Variants in ZNF235 observed in about 807,000 individuals in gnomAD.
ZNF235 encodes the protein zinc finger protein 235, also known as zfp-93.
In ZNF235, 25 loss-of-function variants were observed where a neutral mutation model predicts 29.4. The ratio of observed to expected loss-of-function variants is 0.85; its 90% confidence interval spans 0.62 to 1.19. The LOEUF is 1.19. ZNF235 is among the 50% of genes most tolerant of loss of function. The probability of loss-of-function intolerance (pLI) is 0.00; values close to 1 mark genes in which losing one functional copy is unlikely to be tolerated. For synonymous variants in ZNF235, 300 were observed against 295.3 expected (o/e 1.02, Z -0.16); for missense variants, 788 against 885.0 (o/e 0.89, Z 1.39).
intron 1 of ZNF235, 142 bp downstream of exon 1, chr19:44,304,829 C>A: frequency 1.0e-6 from 1 of 985,466 alleles, no homozygotes; most frequent in Non-Finnish European, 1.2e-6. Context: ...GCCGAGGGGA[C>A]GCAAACTCCC....
rs1000086480 is a variant in ZNF235, at chr19:44,289,144, G to A, written c.291C>T (p.Cys97=). 6.2e-7 allele frequency: 1 copy of A among 1,614,044 alleles called. No homozygotes were observed. Among genetic ancestry groups the A allele is most frequent in the Non-Finnish European group, 8.5e-7 (1 of 1,180,010 alleles). Residue 97 remains cysteine, a synonymous_variant, in exon 5 of 5, where the codon TGC becomes TGT. Coordinates refer to ENST00000291182, the MANE Select transcript of ZNF235 (RefSeq NM_004234.4). The part of the protein sequence containing the change: ...MATLHKAGLR[C]FSLGELSCWQ... ...AGCATGAAAGCTCTCCCAGTGAAAA[G>A]CACCTTAATCCTGCTTTGTGAAGAG...
intron 2 of ZNF235, among the ~76,000 whole-genome samples, chr19:44,300,809 C>T (rs888506678): frequency 5.6e-5 from 8 of 142,196 alleles, no homozygotes; most frequent in Non-Finnish European, 1.2e-4. Flanking sequence ...CACTGCACTC[C>T]AGCCTGAATG....
chr19:44,299,299 G>C (rs1170250924), intron 3 of ZNF235, among the ~76,000 whole-genome samples: 1 of 152,084 alleles, frequency 6.6e-6, no homozygotes, highest in East Asian at 1.9e-4. Context: ...GTTTAAAAAA[G>C]ATATACGAAA....
At chr19:44,300,214 G>A (rs375201583) in intron 2 of ZNF235, among the ~76,000 whole-genome samples, 10 of 152,092 alleles carry the variant, frequency 6.6e-5, no homozygotes, top group East Asian at 1.9e-4. Context: ...GTTTTGTGAC[G>A]CTGGTCACAA....
chr19:44,295,232 C>A (rs939061848), intron 4 of ZNF235, among the ~76,000 whole-genome samples: 1 of 151,884 alleles, frequency 6.6e-6, no homozygotes, highest in African/African-American at 2.4e-5. Flanking sequence ...CAAATGACTT[C>A]AATAAAGTTT....
At chr19:44,304,933 G>A in intron 1 of ZNF235, 38 bp downstream of exon 1, 1 of 985,478 alleles carries the variant, frequency 1.0e-6, no homozygotes, top group African/African-American at 1.7e-5. Flanking sequence ...TAGGCAAAGA[G>A]GGCTCGGAGA....
At position 44,289,033 on chromosome 19, in the gene ZNF235, G is replaced by A. The variant is rs1975547090; in HGVS notation, c.402C>T (p.Pro134=). 2 of 1,613,980 alleles carry A rather than the reference G, an allele frequency of 1.2e-6. No homozygotes were observed. Among genetic ancestry groups the A allele is most frequent in the Non-Finnish European group, 1.7e-6 (2 of 1,179,990 alleles). Residue 134 remains proline (P), a synonymous_variant, in exon 5 of 5, where the codon CCC becomes CCT. Coordinates refer to ENST00000291182, the MANE Select transcript of ZNF235 (RefSeq NM_004234.4). ...INIEGKSSQF[P]KHHDSPCQVG... ...CTTGACAGGGGGAATCATGGTGCTT[G>A]GGGAACTGAGAGCTCTTTCCTTCAA... is the stretch of plus-strand genomic sequence containing the variant.
In ZNF235 at chr19:44,286,504, A is replaced by C. The variant is rs1975487382; in HGVS notation, c.*714T>G. The C allele has an allele frequency of 6.6e-6, 1 of 152,228 alleles. No homozygotes were observed. Among genetic ancestry groups the C allele is most frequent in the Non-Finnish European group, 1.5e-5 (1 of 68,042 alleles). The allele number at this position is 152,228 out of a possible 1,614,324, so 9.4% of individuals were successfully genotyped here. ...AGTATTGTTCAGTCTATAAACTGAC[A>C]CTAAAAATCATACTGTACACAACTG... is the stretch of plus-strand genomic sequence containing the variant. On this transcript the variant is annotated 3_prime_UTR_variant, in exon 5 of 5. Transcript: ENST00000291182.
At chr19:44,296,147 G>A (rs1975651486) in intron 4 of ZNF235, among the ~76,000 whole-genome samples, 2 of 152,162 alleles carry the variant, frequency 1.3e-5, no homozygotes, top group South Asian at 2.1e-4. Context: ...TGGATAGTAA[G>A]TGACAATAAG....
chr19:44,301,643 G>A (rs760135463), intron 2 of ZNF235, among the ~76,000 whole-genome samples: 9 of 152,054 alleles, frequency 5.9e-5, no homozygotes, highest in African/African-American at 9.7e-5. Flanking sequence ...GCTAATTTTT[G>A]TATTTTTAGT....
At chr19:44,303,143 A>T (rs569903966) in intron 2 of ZNF235, among the ~76,000 whole-genome samples, 8 of 143,912 alleles carry the variant, frequency 5.6e-5, no homozygotes, top group African/African-American at 2.0e-4. Flanking sequence ...TTGTATATAA[A>T]TATAAAATAT....
chr19:44,299,490 TAAACATCCC>T, intron 3 of ZNF235, 107 bp downstream of exon 3: 1 of 1,380,418 alleles, frequency 7.2e-7, no homozygotes, highest in Non-Finnish European at 1.0e-6. Context: ...GGGATGCCAC[TAAACATCCC>T]AAAATACACA....
chr19:44,303,495 T>C lies in ZNF235; in HGVS notation c.-48-43A>G, dbSNP rs1001433486. 5.8e-6 allele frequency: 9 copies of C among 1,549,508 alleles called. No homozygotes were observed. In the African/African-American group the frequency reaches 9.6e-5, roughly 17 times the overall value. On this transcript the variant is annotated intron_variant, in intron 1 of 4. Transcript: ENST00000291182. Reference sequence around the variant, plus strand: ...ATCATGAGATAGGTTAGGGATGGCATTAGTCACCATGGCACTTTTATGTGA... The same window carrying C: ...ATCATGAGATAGGTTAGGGATGGCACTAGTCACCATGGCACTTTTATGTGA...
chr19:44,302,240 G>C (rs994353878), intron 2 of ZNF235, among the ~76,000 whole-genome samples: 5 of 152,114 alleles, frequency 3.3e-5, no homozygotes, highest in Non-Finnish European at 5.9e-5. Context: ...TTTGGGAAGA[G>C]AAGTTACATG....
intron 4 of ZNF235, 193 bp from the exon 5 acceptor site, chr19:44,289,389 T>C (rs1411753701): frequency 3.5e-6 from 2 of 563,508 alleles, no homozygotes; most frequent in Non-Finnish European, 6.0e-6. Context: ...AAGCCATATT[T>C]AAGATAGAAA....
intron 4 of ZNF235, among the ~76,000 whole-genome samples, chr19:44,293,823 G>C (rs1488151337): frequency 6.6e-6 from 1 of 151,488 alleles, no homozygotes; most frequent in Non-Finnish European, 1.5e-5. Flanking sequence ...ACAATCTTTG[G>C]GTTAATGACA....
At chr19:44,303,336 A>G (rs1975783020) in intron 2 of ZNF235, 54 bp downstream of exon 2, 7 of 1,594,220 alleles carry the variant, frequency 4.4e-6, no homozygotes, top group Middle Eastern at 3.3e-4. Context: ...AATGTGTCCA[A>G]TCTTTGTGAA....
chr19:44,304,937 TC>T (rs1975809699), intron 1 of ZNF235, 33 bp downstream of exon 1: 1 of 985,446 alleles, frequency 1.0e-6, no homozygotes, highest in South Asian at 4.7e-5. Flanking sequence ...CAAAGAGGGC[TC>T]GGAGAAGTCT....
chr19:44,293,333 G>C (rs1975610337), intron 4 of ZNF235, among the ~76,000 whole-genome samples: 1 of 151,828 alleles, frequency 6.6e-6, no homozygotes, highest in Admixed American at 6.6e-5. Context: ...AGTAAAAAAA[G>C]ACAAAGTCAT....
Sources: gnomAD v4.1 joint callset for allele counts (sites outside exome capture counted in the v4.1 genomes callset) on GRCh38, gnomAD v4.1.1 for gene constraint, MANE v1.5 for transcripts, NCBI Gene and HGNC (gene_info 2026-07-23, HGNC 2026-07-21) for gene names.